PACRG: variants seen among roughly 807,000 people sequenced by gnomAD.
The protein encoded by PACRG is parkin coregulated gene protein.
Under a neutral mutation model 29.7 loss-of-function variants are expected in PACRG, and 29 were observed. That is an observed-to-expected ratio of 0.98 (90% confidence interval 0.73 to 1.33). The LOEUF (loss-of-function observed/expected upper bound fraction) is 1.33. Among genes scored for constraint, PACRG ranks in the 40% most tolerant of loss-of-function variants. PACRG has a pLI of 0.00. For synonymous variants in PACRG, 116 were observed against 118.7 expected (o/e 0.98, Z 0.15); for missense variants, 279 against 316.2 (o/e 0.88, Z 0.89).
intron 4 of PACRG, among the ~76,000 whole-genome samples, chr6:163,242,273 G>A (rs1782536854): frequency 6.6e-6 from 1 of 152,124 alleles, no homozygotes; most frequent in Admixed American, 6.5e-5. Context: ...CTGATGAATT[G>A]CACTAAAAGC....
intron 2 of PACRG, among the ~76,000 whole-genome samples, chr6:162,862,885 T>C (rs2128443430): frequency 6.6e-6 from 1 of 152,312 alleles, no homozygotes; most frequent in South Asian, 2.1e-4. Flanking sequence ...TGCTGAGGCC[T>C]CTGTGCCCTT....
chr6:163,299,030 G>C (rs1159963200), intron 4 of PACRG, among the ~76,000 whole-genome samples: 1 of 152,088 alleles, frequency 6.6e-6, no homozygotes, highest in African/African-American at 2.4e-5. Context: ...TTATTTAATG[G>C]TTGGTTACCT....
At chr6:162,755,912 G>A (rs13210000) in intron 1 of PACRG, among the ~76,000 whole-genome samples, 35,949 of 151,778 alleles carry the variant, frequency 0.24, 4,637 homozygotes, top group South Asian at 0.32. Context: ...ACCCAGTGGT[G>A]TTCAAGGAGC....
At chr6:162,930,493 A>C (rs897087221) in intron 2 of PACRG, among the ~76,000 whole-genome samples, 2 of 151,828 alleles carry the variant, frequency 1.3e-5, no homozygotes, top group African/African-American at 4.8e-5. Flanking sequence ...GTTTTTTTGC[A>C]GTAAATCTTT....
In PACRG at chr6:162,873,206, TTG is replaced by T. The variant is rs35191237; in HGVS notation, c.291+58945_291+58946del. 1.6e-3 allele frequency among the ~76,000 whole-genome samples: 242 copies of T among 150,244 alleles called. 2 individuals carry two copies. In the East Asian group the frequency reaches 0.018, roughly 11 times the overall value. On this transcript the variant is annotated intron_variant, in intron 2 of 4. Transcript: ENST00000366888. The stretch of plus-strand genomic sequence containing the variant: ...TCCAAGAGTAGTTTGGTTTTTCTGT[TTG>T]TGTGTGTGTGTGTGTGTGTTTAGGT...
At chr6:163,164,512 C>A (rs1778707082) in intron 4 of PACRG, among the ~76,000 whole-genome samples, 1 of 152,220 alleles carries the variant, frequency 6.6e-6, no homozygotes, top group Non-Finnish European at 1.5e-5. Context: ...TATTAAGGGA[C>A]CTCGGGCTCT....
intron 2 of PACRG, among the ~76,000 whole-genome samples, chr6:162,916,975 G>A (rs1041825148): frequency 6.6e-6 from 1 of 152,008 alleles, no homozygotes; most frequent in African/African-American, 2.4e-5. Context: ...AGACTGTCCG[G>A]TCTTCTAATT....
At chr6:163,270,719 A>G (rs13200354) in intron 4 of PACRG, among the ~76,000 whole-genome samples, 34,694 of 152,052 alleles carry the variant, frequency 0.23, 4,305 homozygotes, top group Admixed American at 0.32. Flanking sequence ...CAAATATAAC[A>G]TAAAGAAAGA....
chr6:162,951,342 A>G (rs1799631178), intron 2 of PACRG, among the ~76,000 whole-genome samples: 1 of 152,246 alleles, frequency 6.6e-6, no homozygotes, highest in Non-Finnish European at 1.5e-5. Flanking sequence ...TGACTGATCA[A>G]TATAGCTGAG....
chr6:162,811,951 C>G (rs1333960), intron 1 of PACRG, among the ~76,000 whole-genome samples: 48,025 of 151,998 alleles, frequency 0.32, 8,280 homozygotes, highest in African/African-American at 0.43. Context: ...TCTGTACACA[C>G]AACAACTTAT....
chr6:163,086,193 A>T (rs1264718054), intron 3 of PACRG, among the ~76,000 whole-genome samples: 4 of 152,236 alleles, frequency 2.6e-5, no homozygotes, highest in Admixed American at 6.5e-5. Context: ...TTGTCAGTAC[A>T]TAAGGCTCAC....
chr6:162,783,792 T>G (rs1784262617), intron 1 of PACRG, among the ~76,000 whole-genome samples: 1 of 152,084 alleles, frequency 6.6e-6, no homozygotes, highest in African/African-American at 2.4e-5. Context: ...CTAAAAGTAT[T>G]GTACTTGATT....
chr6:163,120,416 G>A (rs955860503), intron 4 of PACRG, among the ~76,000 whole-genome samples: 15 of 152,122 alleles, frequency 9.9e-5, no homozygotes. Flanking sequence ...CCCACCTTTA[G>A]GGGCGCTGTT....
At chr6:162,976,339 A>G (rs1487782348) in intron 2 of PACRG, among the ~76,000 whole-genome samples, 1 of 152,220 alleles carries the variant, frequency 6.6e-6, no homozygotes, top group Non-Finnish European at 1.5e-5. Context: ...GGTGTGGAAC[A>G]GTCTAGCCAT....
chr6:163,031,477 A>G (rs1333618925), intron 2 of PACRG, among the ~76,000 whole-genome samples: 1 of 152,208 alleles, frequency 6.6e-6, no homozygotes, highest in Non-Finnish European at 1.5e-5. Flanking sequence ...CAAACTTAAA[A>G]ACAACTGATG....
chr6:162,975,948 A>G (rs2128165527), intron 2 of PACRG, among the ~76,000 whole-genome samples: 1 of 152,242 alleles, frequency 6.6e-6, no homozygotes, highest in South Asian at 2.1e-4. Context: ...GAATTTGCAC[A>G]TCCAGTGAGG....
At chr6:162,948,824 A>G (rs1799437080) in intron 2 of PACRG, among the ~76,000 whole-genome samples, 1 of 152,124 alleles carries the variant, frequency 6.6e-6, no homozygotes, top group Non-Finnish European at 1.5e-5. Flanking sequence ...GCAAATCAAA[A>G]CCACAATAAA....
intron 2 of PACRG, among the ~76,000 whole-genome samples, chr6:162,947,484 C>CT (rs1554313137): frequency 2.7e-5 from 3 of 112,984 alleles, no homozygotes; most frequent in Non-Finnish European, 5.3e-5. Context: ...TATATATAAT[C>CT]ATATATATAC....
rs958653255 is a variant in PACRG at position 162,791,877 on chromosome 6, G to A, written c.157-22270G>A. Among the ~76,000 whole-genome samples, 7 of 152,130 alleles carry A rather than the reference G, an allele frequency of 4.6e-5. No homozygotes were observed. In the East Asian group the frequency reaches 7.7e-4, roughly 17 times the overall value. On this transcript the variant is annotated intron_variant, in intron 1 of 4. Transcript: ENST00000366888. ...ATCCCAGCAGGACACAGAAGCAAGC[G>A]TACATCCTCTCCTGCAGGAGGCTCC... is the stretch of plus-strand genomic sequence containing the variant.
Sources: allele counts gnomAD v4.1 joint callset (sites outside exome capture counted in the v4.1 genomes callset), GRCh38; gene constraint gnomAD v4.1.1; transcripts MANE v1.5; gene names NCBI Gene and HGNC (gene_info 2026-07-23, HGNC 2026-07-21).